The following INPP5A variants were observed in gnomAD, a reference collection of about 807,000 sequenced individuals.
INPP5A encodes 43 kDa inositol polyphosphate 5-phophatase.
INPP5A carries 14 observed loss-of-function variants against 65.2 expected under a neutral mutation model. The observed-to-expected ratio is 0.21, with a 90% CI of 0.14 to 0.34. The LOEUF is 0.34. Among genes scored for constraint, INPP5A ranks in the 10% least tolerant of loss-of-function variants. The pLI, the probability that INPP5A is intolerant of heterozygous loss-of-function variation, is 1.00. For synonymous variants in INPP5A, 207 were observed against 208.3 expected (o/e 0.99, Z 0.05); for missense variants, 431 against 545.6 (o/e 0.79, Z 2.09).
At chr10:132,726,946 C>T (rs775897438) in intron 9 of INPP5A, 41 bp downstream of exon 9, 15 of 1,447,008 alleles carry the variant, frequency 1.0e-5, no homozygotes, top group Non-Finnish European at 1.3e-5. Flanking sequence ...TCATGCCTTG[C>T]TCTGTGTTGA....
chr10:132,735,815 G>C (rs1389873399), intron 9 of INPP5A, among the ~76,000 whole-genome samples: 1 of 152,236 alleles, frequency 6.6e-6, no homozygotes, highest in Non-Finnish European at 1.5e-5. Flanking sequence ...TTCAGGGGCA[G>C]GGTGTCTGGG....
In INPP5A at chr10:132,616,767, G is replaced by A. The variant is rs539034257; in HGVS notation, c.117+8811G>A. 2.0e-4 allele frequency among the ~76,000 whole-genome samples: 30 copies of A among 152,048 alleles called. No individual in the cohort carries two copies. Among genetic ancestry groups the A allele is most frequent in the Admixed American group, 2.6e-4 (4 of 15,290 alleles). Reference sequence around the variant, plus strand: ...GTCATGTGGTGATGGGGGACGTGGCGTGGGGGATATGGGGTCCTGGATCTC... The same window carrying A: ...GTCATGTGGTGATGGGGGACGTGGCATGGGGGATATGGGGTCCTGGATCTC... On this transcript the variant is annotated intron_variant, in intron 2 of 15. Transcript: ENST00000368594. The surrounding 1 kb of genome is among the most constrained non-coding windows in gnomAD (Gnocchi z 4.9).
intron 1 of INPP5A, among the ~76,000 whole-genome samples, chr10:132,557,934 C>A (rs1005840511): frequency 6.6e-5 from 10 of 152,212 alleles, no homozygotes; most frequent in African/African-American, 2.4e-4. Flanking sequence ...GTCTGTCCCG[C>A]GTGCCCGCCT....
chr10:132,713,694 G>A (rs1306271736), intron 8 of INPP5A, among the ~76,000 whole-genome samples: 1 of 152,158 alleles, frequency 6.6e-6, no homozygotes, highest in Non-Finnish European at 1.5e-5. Context: ...CTGTGCTCGT[G>A]GCCACACACT....
chr10:132,687,849 CAGG>C (rs2134476919), intron 4 of INPP5A, among the ~76,000 whole-genome samples: 1 of 152,364 alleles, frequency 6.6e-6, no homozygotes, highest in African/African-American at 2.4e-5. Context: ...GCAGCAGAGA[CAGG>C]AGGCAGAGGC....
At chr10:132,668,166 G>A (rs1045216535) in intron 4 of INPP5A, among the ~76,000 whole-genome samples, 3 of 152,190 alleles carry the variant, frequency 2.0e-5, no homozygotes, top group Admixed American at 1.3e-4. Flanking sequence ...GGACTAATGG[G>A]CTCCTGCAGC....
chr10:132,778,870 G>T (rs1847111820), intron 13 of INPP5A, among the ~76,000 whole-genome samples: 1 of 152,250 alleles, frequency 6.6e-6, no homozygotes. Flanking sequence ...CTGGGTACAG[G>T]TGTGCCCTCA....
At chr10:132,713,730 G>T (rs1564978367) in intron 8 of INPP5A, among the ~76,000 whole-genome samples, 1 of 152,276 alleles carries the variant, frequency 6.6e-6, no homozygotes, top group East Asian at 1.9e-4. Flanking sequence ...CCCTGTGCAC[G>T]GCCACACCCT....
chr10:132,594,740 C>G (rs1033327059), intron 1 of INPP5A, among the ~76,000 whole-genome samples: 1 of 152,006 alleles, frequency 6.6e-6, no homozygotes, highest in African/African-American at 2.4e-5. Flanking sequence ...TTTGCTGGCC[C>G]AGTTGTAGCA....
chr10:132,677,737 C>T (rs1226110439), intron 4 of INPP5A, among the ~76,000 whole-genome samples: 1 of 152,210 alleles, frequency 6.6e-6, no homozygotes, highest in African/African-American at 2.4e-5. Context: ...GGCGTGTTTA[C>T]CCTCGTGTCA....
At chr10:132,747,773 G>A (rs1207939440) in intron 9 of INPP5A, among the ~76,000 whole-genome samples, 3 of 152,212 alleles carry the variant, frequency 2.0e-5, no homozygotes, top group Non-Finnish European at 2.9e-5. Context: ...TATAGGCCAG[G>A]TGCAGCTGCT....
chr10:132,774,023 A>G (rs1847001600), intron 12 of INPP5A, among the ~76,000 whole-genome samples: 1 of 152,216 alleles, frequency 6.6e-6, no homozygotes, highest in Non-Finnish European at 1.5e-5. Flanking sequence ...CAGCTTCTCA[A>G]AATGCTGGGA....
chr10:132,570,647 T>C (rs1425416147), intron 1 of INPP5A, among the ~76,000 whole-genome samples: 2 of 152,146 alleles, frequency 1.3e-5, no homozygotes, highest in Admixed American at 1.3e-4. Context: ...TCAGCTCTTG[T>C]GTTTCTAAGT....
rs567864754 is a variant in INPP5A, at chr10:132,782,167, C to T, written c.*138C>T. On this transcript the variant is annotated 3_prime_UTR_variant, in exon 16 of 16. Transcript: ENST00000368594. This position sits in a 1 kb window ranked among gnomAD's most constrained non-coding sequence, Gnocchi z 4.4. ...CTGCTAGACGGCCAGCCCCACACTT[C>T]GCTTCAGCCTCCGGACCATTCCGGA... The T allele has an allele frequency of 4.0e-4, 564 of 1,416,166 alleles. 1 individual carries two copies. Among genetic ancestry groups the T allele is most frequent in the Admixed American group, 6.5e-4 (32 of 49,208 alleles). 87.7% of individuals were successfully genotyped at this position (1,416,166 alleles called of 1,614,324 possible).
At chr10:132,684,033 A>G (rs1233704552) in intron 4 of INPP5A, among the ~76,000 whole-genome samples, 2 of 152,242 alleles carry the variant, frequency 1.3e-5, no homozygotes, top group African/African-American at 4.8e-5. Context: ...GTATTTTTAT[A>G]TGGTGAATTA....
chr10:132,720,558 A>C (rs1176557699), intron 8 of INPP5A, among the ~76,000 whole-genome samples: 1 of 136,230 alleles, frequency 7.3e-6, no homozygotes, highest in African/African-American at 2.8e-5. Context: ...GACTGTCTTC[A>C]GGGTTCTGTG....
chr10:132,617,781 C>G (rs2072060286), intron 2 of INPP5A, among the ~76,000 whole-genome samples: 1 of 152,218 alleles, frequency 6.6e-6, no homozygotes, highest in Non-Finnish European at 1.5e-5. Flanking sequence ...TTTCCTTCCC[C>G]AGTTTTGCCT....
rs1352973989 is a variant in INPP5A, at chr10:132,547,003, A to G, written c.75+8832A>G. ...GCGTCCTCCCCTCTCGGGGTCCCGC[A>G]TGACTGGTCCTCATTCCAGGAACCA... On this transcript the variant is annotated intron_variant, in intron 1 of 15. Coordinates refer to ENST00000368594, the MANE Select transcript of INPP5A (RefSeq NM_005539.5). The surrounding 1 kb of genome is among the most constrained non-coding windows in gnomAD (Gnocchi z 5.5). 1.3e-5 allele frequency among the ~76,000 whole-genome samples: 2 copies of G among 152,074 alleles called. No individual in the cohort carries two copies. The highest frequency in any genetic ancestry group is 6.5e-5 in the Admixed American group (1 of 15,284).
At chr10:132,729,180 C>T (rs944428653) in intron 9 of INPP5A, among the ~76,000 whole-genome samples, 1 of 152,154 alleles carries the variant, frequency 6.6e-6, no homozygotes, top group Non-Finnish European at 1.5e-5. Context: ...GAAGAAAGCA[C>T]CTCACCGGGG....
Sources: allele counts gnomAD v4.1 joint callset (sites outside exome capture counted in the v4.1 genomes callset), GRCh38; gene constraint gnomAD v4.1.1; non-coding constraint Gnocchi (gnomAD v3.1); transcripts MANE v1.5; gene names NCBI Gene and HGNC (gene_info 2026-07-23, HGNC 2026-07-21).